Variants in CSMD1 observed in about 807,000 individuals in gnomAD.
CSMD1 encodes CUB and sushi domain-containing protein 1.
CSMD1 carries 213 observed loss-of-function variants against 417.5 expected under a neutral mutation model. That is an observed-to-expected ratio of 0.51 (90% CI 0.46 to 0.57). CSMD1 has a LOEUF of 0.57. Ranked by LOEUF, CSMD1 falls within the 20% of genes least tolerant of loss-of-function variation. CSMD1 has a pLI of 0.00. For missense variants in CSMD1, 6,923 were observed against 4,529.7 expected (o/e 1.53, Z -15.17); for synonymous variants, 2,862 against 1,736.8 (o/e 1.65, Z -16.11).
At chr8:3,347,354 C>T (rs1427169836) in intron 22 of CSMD1, among the ~76,000 whole-genome samples, 1 of 152,164 alleles carries the variant, frequency 6.6e-6, no homozygotes, top group African/African-American at 2.4e-5. Context: ...AAGTTAAGGG[C>T]ATTTCTAGTT....
intron 2 of CSMD1, among the ~76,000 whole-genome samples, chr8:4,619,361 T>A (rs1801645548): frequency 6.6e-6 from 1 of 152,188 alleles, no homozygotes; most frequent in Non-Finnish European, 1.5e-5. Context: ...ATATTTAGCA[T>A]CAAGACTGAT....
At chr8:4,026,560 A>C (rs1797075553) in intron 4 of CSMD1, among the ~76,000 whole-genome samples, 1 of 152,250 alleles carries the variant, frequency 6.6e-6, no homozygotes, top group Admixed American at 6.5e-5. Context: ...CTCTTGGCTT[A>C]GGCCAAGTTT....
At chr8:4,118,283 T>C (rs1398654566) in intron 3 of CSMD1, among the ~76,000 whole-genome samples, 1 of 152,062 alleles carries the variant, frequency 6.6e-6, no homozygotes, top group Non-Finnish European at 1.5e-5. Flanking sequence ...TGCTCACATG[T>C]GAAGAAGTTC....
chr8:3,982,192 T>TACTAATAATAA (rs372298485), intron 5 of CSMD1, among the ~76,000 whole-genome samples: 1 of 131,764 alleles, frequency 7.6e-6, no homozygotes, highest in African/African-American at 2.8e-5. Flanking sequence ...AATAATAATA[T>TACTAATAATAA]TAATAAAAAA....
chr8:4,948,812 A>C (rs1232281971), intron 1 of CSMD1, among the ~76,000 whole-genome samples: 1 of 152,084 alleles, frequency 6.6e-6, no homozygotes, highest in African/African-American at 2.4e-5. Flanking sequence ...TTATTCCCCT[A>C]GAATGGAGCT....
In CSMD1 at chr8:3,171,366, T is replaced by C. The variant is rs558557754; in HGVS notation, c.5726-9089A>G. ...GCCTGATTTCCACTTCAAATACTATTTCCCTTTTTAACACTCAAAACTTTA... is the reference window on the plus strand; with the variant it reads ...GCCTGATTTCCACTTCAAATACTATCTCCCTTTTTAACACTCAAAACTTTA... On this transcript the variant is annotated intron_variant, in intron 37 of 69. Coordinates refer to ENST00000635120, the MANE Select transcript of CSMD1 (RefSeq NM_033225.6). 2.6e-5 allele frequency among the ~76,000 whole-genome samples: 4 copies of C among 152,276 alleles called. No individual in the cohort carries two copies. The East Asian group carries it at 7.7e-4, about 29-fold the overall frequency.
At chr8:3,052,197 G>A (rs972224842) in intron 50 of CSMD1, among the ~76,000 whole-genome samples, 2 of 152,212 alleles carry the variant, frequency 1.3e-5, no homozygotes, top group East Asian at 1.9e-4. Flanking sequence ...TGGCAGCACA[G>A]AATAGGATGT....
chr8:3,337,175 G>A (rs1288228011), intron 23 of CSMD1, among the ~76,000 whole-genome samples: 3 of 152,062 alleles, frequency 2.0e-5, no homozygotes, highest in East Asian at 1.9e-4. Context: ...ACAAACCAAC[G>A]CAACGACTCG....
chr8:4,847,729 T>C (rs1453738271), intron 1 of CSMD1, among the ~76,000 whole-genome samples: 2 of 152,086 alleles, frequency 1.3e-5, no homozygotes, highest in East Asian at 3.9e-4. Context: ...ACCTTGACAG[T>C]TTTCAGGACC....
intron 23 of CSMD1, among the ~76,000 whole-genome samples, chr8:3,312,559 G>A (rs905092436): frequency 6.6e-6 from 1 of 152,142 alleles, no homozygotes; most frequent in South Asian, 2.1e-4. Context: ...CTCCTCGCAG[G>A]ATTTGATGGT....
chr8:3,149,544 C>T (rs189670075), intron 40 of CSMD1, among the ~76,000 whole-genome samples: 10 of 152,236 alleles, frequency 6.6e-5, no homozygotes, highest in Admixed American at 5.2e-4. Flanking sequence ...GTGGCGTGAT[C>T]GTGGCTCACT....
rs1799055786 is a variant in CSMD1, at chr8:3,671,548, CATATATATGATCATAT to C, written c.1009+36850_1009+36865del. ...ATGATCATATATATATATATATGAT[CATATATATGATCATAT>C]ATATATATATATATATATATATATA... On this transcript the variant is annotated intron_variant, in intron 7 of 69. Transcript: ENST00000635120. 2.1e-3 allele frequency among the ~76,000 whole-genome samples: 6 copies of C among 2,904 alleles called. 2 individuals are homozygous for C. The highest frequency in any genetic ancestry group is 6.0e-3 in the Admixed American group (1 of 166). 1.9% of individuals were successfully genotyped at this position (2,904 alleles called of 152,430 possible).
chr8:3,848,401 T>C (rs1803658742), intron 5 of CSMD1, among the ~76,000 whole-genome samples: 1 of 152,218 alleles, frequency 6.6e-6, no homozygotes, highest in Non-Finnish European at 1.5e-5. Context: ...CTAGGCATAG[T>C]TGGTGTTTTT....
intron 1 of CSMD1, among the ~76,000 whole-genome samples, chr8:4,876,736 G>A (rs1204802365): frequency 3.3e-5 from 5 of 152,008 alleles, no homozygotes; most frequent in African/African-American, 1.2e-4. Flanking sequence ...TCTTTCTTGT[G>A]TGCTGAGTGT....
intron 5 of CSMD1, among the ~76,000 whole-genome samples, chr8:3,971,693 C>T (rs907162273): frequency 6.6e-6 from 1 of 152,128 alleles, no homozygotes; most frequent in Non-Finnish European, 1.5e-5. Flanking sequence ...AGAAAGGATG[C>T]AAGGATACGA....
chr8:4,658,932 A>G (rs1259825208), intron 1 of CSMD1, among the ~76,000 whole-genome samples: 2 of 152,154 alleles, frequency 1.3e-5, no homozygotes, highest in African/African-American at 4.8e-5. Context: ...TAATAGAACT[A>G]GATTGTTATG....
chr8:3,486,894 G>C (rs73660051), intron 11 of CSMD1, among the ~76,000 whole-genome samples: 63 of 152,322 alleles, frequency 4.1e-4, no homozygotes, highest in African/African-American at 1.5e-3. Context: ...CACACAGGGT[G>C]TCCAGAGAGA....
At chr8:4,343,445 G>A (rs1158264045) in intron 3 of CSMD1, among the ~76,000 whole-genome samples, 1 of 152,102 alleles carries the variant, frequency 6.6e-6, no homozygotes, top group African/African-American at 2.4e-5. Context: ...GTCACTATGT[G>A]TGGTGATGAA....
chr8:4,441,839 A>G (rs1409115932), intron 2 of CSMD1, among the ~76,000 whole-genome samples: 1 of 152,208 alleles, frequency 6.6e-6, no homozygotes, highest in Non-Finnish European at 1.5e-5. Flanking sequence ...GAGTAATAAA[A>G]GCATGAACGA....
Sources: gnomAD v4.1 joint callset for allele counts (sites outside exome capture counted in the v4.1 genomes callset) on GRCh38, gnomAD v4.1.1 for gene constraint, MANE v1.5 for transcripts, NCBI Gene and HGNC (gene_info 2026-07-23, HGNC 2026-07-21) for gene names.